Variants in CPLX2 observed in about 807,000 individuals in gnomAD.
CPLX2 encodes the protein complexin 2.
CPLX2 carries 5 observed loss-of-function variants against 16.3 expected under a neutral mutation model. The observed-to-expected ratio is 0.31, with a 90% CI of 0.16 to 0.64. The LOEUF is 0.64. CPLX2 is among the 30% of genes least tolerant of loss of function. The pLI is 0.79. For missense variants in CPLX2, 144 were observed against 181.4 expected, an observed-to-expected ratio of 0.79 and a Z score of 1.18; for synonymous variants, 89 against 73.2, an observed-to-expected ratio of 1.22 and a Z score of -1.10.
intron 2 of CPLX2, among the ~76,000 whole-genome samples, chr5:175,821,242 GC>G (rs1758502394): frequency 6.6e-6 from 1 of 151,872 alleles, no homozygotes; most frequent in African/African-American, 2.4e-5. Context: ...GAGACCCTCA[GC>G]TCTACGCAAG....
At chr5:175,803,368 T>C (rs73326364) in intron 1 of CPLX2, among the ~76,000 whole-genome samples, 1,619 of 152,206 alleles carry the variant, frequency 0.011, 26 homozygotes, top group African/African-American at 0.036. Flanking sequence ...GTAAACAAAA[T>C]CATTTCACCA....
chr5:175,801,634 G>A lies in CPLX2; in HGVS notation c.-169+4850G>A, dbSNP rs183390923. Among the ~76,000 whole-genome samples, 353 of 152,332 alleles carry A rather than the reference G, an allele frequency of 2.3e-3. 1 individual carries two copies. The highest frequency in any genetic ancestry group is 8.0e-3 in the African/African-American group (334 of 41,576). On this transcript the variant is annotated intron_variant, in intron 1 of 4. Transcript: ENST00000359546. ...ATGTCCTCATTCTTAAAGTGGAGAC[G>A]ATGAGAGTCCAAAGACTTATTTCAA...
intron 2 of CPLX2, among the ~76,000 whole-genome samples, chr5:175,814,966 T>G (rs1758380063): frequency 6.6e-6 from 1 of 151,170 alleles, no homozygotes; most frequent in African/African-American, 2.4e-5. Flanking sequence ...AGATTGAACG[T>G]GAGGGAGGGG....
intron 1 of CPLX2, among the ~76,000 whole-genome samples, chr5:175,877,677 G>A (rs1472362724): frequency 6.6e-6 from 1 of 152,156 alleles, no homozygotes; most frequent in African/African-American, 2.4e-5. Context: ...GAGCACTAGG[G>A]TTCAGCTTCT....
At position 175,878,756 on chromosome 5, in the gene CPLX2, A is replaced by G; in HGVS notation, c.17A>G (p.Lys6Arg). MDFVM[K>R]QALGGATKDM... Reference sequence around the variant, plus strand: ...GCCGGCGGCATGGACTTCGTCATGAAGCAGGCCCTTGGAGGTGAGGTCCAG... The same window carrying G: ...GCCGGCGGCATGGACTTCGTCATGAGGCAGGCCCTTGGAGGTGAGGTCCAG... Residue 6 changes from lysine to arginine, a missense_variant, in exon 2 of 4, where the codon AAG becomes AGG. By Grantham distance (26) the Lys-to-Arg change is conservative. Transcript: ENST00000393745. 1.9e-6 allele frequency: 3 copies of G among 1,613,654 alleles called. No homozygotes were observed. Among genetic ancestry groups the G allele is most frequent in the Non-Finnish European group, 2.5e-6 (3 of 1,179,918 alleles).
intron 1 of CPLX2, among the ~76,000 whole-genome samples, chr5:175,877,675 G>A (rs781356235): frequency 3.9e-5 from 6 of 152,196 alleles, no homozygotes; most frequent in Non-Finnish European, 7.3e-5. Flanking sequence ...TAGAGCACTA[G>A]GGTTCAGCTT....
At chr5:175,871,476 A>AGGGAGAGAGAGAGAGAGAGG (rs1759615619), upstream of CPLX2, 1 of 148,170 alleles carries the variant, frequency 6.7e-6, no homozygotes, top group Non-Finnish European at 1.5e-5. Flanking sequence ...AGAGAGAGAG[A>AGGGAGAGAGAGAGAGAGAGG]GAGAGAGAGA....
At chr5:175,813,467 T>A (rs1156407964) in intron 2 of CPLX2, among the ~76,000 whole-genome samples, 1 of 152,218 alleles carries the variant, frequency 6.6e-6, no homozygotes, top group Non-Finnish European at 1.5e-5. Context: ...CTGGGGTGGT[T>A]GAACCTAGAA....
At chr5:175,844,396 C>G (rs375440540) in intron 2 of CPLX2, among the ~76,000 whole-genome samples, 4 of 152,354 alleles carry the variant, frequency 2.6e-5, no homozygotes, top group African/African-American at 7.2e-5. Flanking sequence ...CTACTGTGTA[C>G]CAGGCACTGC....
upstream of CPLX2, chr5:175,871,431 G>GAGAGAGAGAGAGAGAA (rs1561790313): frequency 1.3e-5 from 1 of 79,628 alleles, no homozygotes; most frequent in African/African-American, 4.3e-5. Flanking sequence ...GAGAGAGAGA[G>GAGAGAGAGAGAGAGAA]ACAGAGAGAG....
intron 2 of CPLX2, among the ~76,000 whole-genome samples, chr5:175,851,993 A>G (rs1191658456): frequency 6.6e-6 from 1 of 152,090 alleles, no homozygotes; most frequent in African/African-American, 2.4e-5. Flanking sequence ...TTTTCTACAC[A>G]GGGGGCTGAA....
chr5:175,842,394 G>A (rs74620998), intron 2 of CPLX2, among the ~76,000 whole-genome samples: 1 of 152,346 alleles, frequency 6.6e-6, no homozygotes, highest in East Asian at 1.9e-4. Context: ...GAAACCAGGG[G>A]AGTAGGCATG....
rs200564639 is a variant in CPLX2, at chr5:175,845,036, G to A, written c.-88-33616G>A. Among the ~76,000 whole-genome samples, 6 of 152,338 alleles carry A rather than the reference G, an allele frequency of 3.9e-5. No homozygotes were observed. In the East Asian group the frequency reaches 1.2e-3, roughly 29 times the overall value. On this transcript the variant is annotated intron_variant, in intron 2 of 4. Coordinates refer to the CPLX2 transcript ENST00000359546. This position sits in a 1 kb window ranked among gnomAD's most constrained non-coding sequence, Gnocchi z 4.0. Reference sequence around the variant, plus strand: ...ATTCCCTAACAAGGACCAGTTCTTAGAAGGGGAAGCCCCAGGCAGGCCCAG... The same window carrying A: ...ATTCCCTAACAAGGACCAGTTCTTAAAAGGGGAAGCCCCAGGCAGGCCCAG...
intron 2 of CPLX2, among the ~76,000 whole-genome samples, chr5:175,850,459 C>G (rs540008360): frequency 6.6e-6 from 1 of 152,170 alleles, no homozygotes; most frequent in African/African-American, 2.4e-5. Flanking sequence ...TGGGAAGGAC[C>G]CTGACCACTA....
intron 1 of CPLX2, among the ~76,000 whole-genome samples, chr5:175,799,551 TATATATATATATA>T (rs1758051838): frequency 2.2e-5 from 3 of 137,114 alleles, no homozygotes; most frequent in African/African-American, 8.4e-5. Context: ...TATATATATA[TATATATATATATA>T]TATATATATA....
At chr5:175,858,938 C>A (rs944903567) in intron 2 of CPLX2, among the ~76,000 whole-genome samples, 10 of 152,202 alleles carry the variant, frequency 6.6e-5, no homozygotes, top group African/African-American at 2.4e-4. Context: ...TCCGAAGGAT[C>A]ACTTTCCAGC....
chr5:175,829,633 G>A (rs1403697907), intron 2 of CPLX2, among the ~76,000 whole-genome samples: 1 of 152,164 alleles, frequency 6.6e-6, no homozygotes, highest in African/African-American at 2.4e-5. Flanking sequence ...CATCTGAGTG[G>A]GGAATAAAAC....
At chr5:175,833,268 A>G (rs1411749562) in intron 2 of CPLX2, among the ~76,000 whole-genome samples, 1 of 152,186 alleles carries the variant, frequency 6.6e-6, no homozygotes, top group Non-Finnish European at 1.5e-5. Context: ...CGGAGGCTTC[A>G]TAATCTACCT....
At chr5:175,798,069 C>A (rs1175349000) in intron 1 of CPLX2, among the ~76,000 whole-genome samples, 4 of 152,190 alleles carry the variant, frequency 2.6e-5, no homozygotes, top group Non-Finnish European at 5.9e-5. Flanking sequence ...AAAACCCGGG[C>A]TCTCTAACTC....
Sources: gnomAD v4.1 joint callset for allele counts (sites outside exome capture counted in the v4.1 genomes callset) on GRCh38, gnomAD v4.1.1 for gene constraint, Gnocchi (gnomAD v3.1) non-coding constraint, MANE v1.5 for transcripts, NCBI Gene and HGNC (gene_info 2026-07-23, HGNC 2026-07-21) for gene names.